Variants in KCNMB2 observed in about 807,000 individuals in gnomAD.
KCNMB2 encodes the protein potassium calcium-activated channel subfamily M regulatory beta subunit 2.
In KCNMB2, 9 loss-of-function variants were observed where a neutral mutation model predicts 24.5. The ratio of observed to expected loss-of-function variants is 0.37; its 90% CI spans 0.22 to 0.64. The LOEUF (loss-of-function observed/expected upper bound fraction) is 0.64, where lower values mean the gene tolerates loss of function less well. Ranked by LOEUF, KCNMB2 falls within the 30% of genes least tolerant of loss-of-function variation. The pLI is 0.63. For synonymous variants in KCNMB2, 109 were observed against 104.4 expected, an observed-to-expected ratio of 1.04 and a Z score of -0.27; for missense variants, 226 against 284.3, an observed-to-expected ratio of 0.79 and a Z score of 1.47.
chr3:178,689,678 G>A (rs970600540), intron 1 of KCNMB2, among the ~76,000 whole-genome samples: 1 of 152,084 alleles, frequency 6.6e-6, no homozygotes, highest in African/African-American at 2.4e-5. Flanking sequence ...CAGATGATCT[G>A]ATTTAACACC....
At chr3:178,559,661 A>G (rs1025578023) in intron 1 of KCNMB2, among the ~76,000 whole-genome samples, 3 of 144,308 alleles carry the variant, frequency 2.1e-5, no homozygotes, top group African/African-American at 7.8e-5. Context: ...ATTTTCCAGG[A>G]CCCTTTTTTC....
intron 1 of KCNMB2, among the ~76,000 whole-genome samples, chr3:178,621,632 T>G (rs1275241931): frequency 1.3e-5 from 2 of 152,136 alleles, no homozygotes; most frequent in Non-Finnish European, 2.9e-5. Context: ...TCCATTGCAC[T>G]TATTATAATC....
chr3:178,692,166 CAAA>C (rs1232523584), intron 1 of KCNMB2, among the ~76,000 whole-genome samples: 1 of 152,102 alleles, frequency 6.6e-6, no homozygotes, highest in Non-Finnish European at 1.5e-5. Context: ...GCATAGTTTA[CAAA>C]AATTTTTCTC....
chr3:178,583,678 C>A (rs929207097), intron 1 of KCNMB2, among the ~76,000 whole-genome samples: 5 of 152,130 alleles, frequency 3.3e-5, no homozygotes, highest in South Asian at 2.1e-4. Context: ...CTTAACTTTT[C>A]TGAGGCTCCG....
chr3:178,704,120 A>G (rs1315654912), intron 1 of KCNMB2, among the ~76,000 whole-genome samples: 1 of 152,148 alleles, frequency 6.6e-6, no homozygotes, highest in African/African-American at 2.4e-5. Flanking sequence ...AATTTTATTT[A>G]AAATCTCCAT....
chr3:178,803,634 G>A (rs1713856502), intron 1 of KCNMB2, among the ~76,000 whole-genome samples: 1 of 152,200 alleles, frequency 6.6e-6, no homozygotes, highest in Non-Finnish European at 1.5e-5. Context: ...CCTAGCATGG[G>A]AGGCAGATTT....
At chr3:178,755,618 C>T (rs1724004352) in intron 1 of KCNMB2, among the ~76,000 whole-genome samples, 1 of 152,144 alleles carries the variant, frequency 6.6e-6, no homozygotes, top group Admixed American at 6.6e-5. Context: ...TTGGAGCAGA[C>T]AATGAGATTA....
At chr3:178,570,299 A>AT (rs1329870906) in intron 1 of KCNMB2, among the ~76,000 whole-genome samples, 3 of 152,042 alleles carry the variant, frequency 2.0e-5, no homozygotes, top group East Asian at 1.9e-4. Flanking sequence ...TGTTTTATAC[A>AT]TTTTTTTAAA....
intron 1 of KCNMB2, among the ~76,000 whole-genome samples, chr3:178,624,934 G>A (rs1286180182): frequency 5.9e-5 from 9 of 152,120 alleles, no homozygotes; most frequent in African/African-American, 2.2e-4. Context: ...CAGAGTGAGG[G>A]AAACCATGCA....
intron 1 of KCNMB2, among the ~76,000 whole-genome samples, chr3:178,745,495 T>C (rs1330394705): frequency 2.6e-5 from 4 of 152,146 alleles, no homozygotes; most frequent in Non-Finnish European, 4.4e-5. Context: ...AGCCAAACCA[T>C]ATCATTCCAC....
At chr3:178,538,977 G>A (rs544559419) in intron 1 of KCNMB2, among the ~76,000 whole-genome samples, 4 of 152,222 alleles carry the variant, frequency 2.6e-5, no homozygotes, top group Non-Finnish European at 4.4e-5. Flanking sequence ...CAAAAAGCAA[G>A]TCTGCAGTCC....
intron 1 of KCNMB2, among the ~76,000 whole-genome samples, chr3:178,693,055 G>T (rs1435273027): frequency 6.6e-6 from 1 of 152,140 alleles, no homozygotes; most frequent in Admixed American, 6.6e-5. Flanking sequence ...TGACTTGACT[G>T]TTGCTGGTGT....
At chr3:178,576,668 C>T (rs558991723) in intron 1 of KCNMB2, among the ~76,000 whole-genome samples, 1 of 152,268 alleles carries the variant, frequency 6.6e-6, no homozygotes, top group Non-Finnish European at 1.5e-5. Flanking sequence ...GAGGGGCATC[C>T]ACCATTACCA....
chr3:178,693,483 A>G (rs749896367), intron 1 of KCNMB2, among the ~76,000 whole-genome samples: 4 of 152,018 alleles, frequency 2.6e-5, no homozygotes, highest in Non-Finnish European at 5.9e-5. Flanking sequence ...TATTGAAAGC[A>G]TTTTCTACAT....
rs537444864 is a variant in KCNMB2 at position 178,674,587 on chromosome 3, C to A, written c.-67-132756C>A. 3.9e-5 allele frequency among the ~76,000 whole-genome samples: 6 copies of A among 152,286 alleles called. No individual in the cohort carries two copies. In the East Asian group the frequency reaches 1.2e-3, roughly 29 times the overall value. On this transcript the variant is annotated intron_variant, in intron 1 of 4. Transcript: ENST00000452583. ...ACATTAATCCAAGCTACCTTTATCTCTCACATCAATTATCTCAGGTCTCCC... is the reference window on the plus strand; with the variant it reads ...ACATTAATCCAAGCTACCTTTATCTATCACATCAATTATCTCAGGTCTCCC...
chr3:178,737,085 C>T (rs150423542), intron 1 of KCNMB2, among the ~76,000 whole-genome samples: 125 of 152,242 alleles, frequency 8.2e-4, no homozygotes, highest in African/African-American at 2.6e-3. Context: ...GCCCGCCCAA[C>T]GTAGTGAAAC....
intron 1 of KCNMB2, chr3:178,729,319 A>G (rs1723067988): frequency 6.6e-6 from 1 of 152,152 alleles, no homozygotes; most frequent in South Asian, 2.1e-4. Context: ...CACACAATCA[A>G]TTTGGTCCCA....
chr3:178,690,342 TAAC>T (rs1721626699), intron 1 of KCNMB2, among the ~76,000 whole-genome samples: 1 of 151,062 alleles, frequency 6.6e-6, no homozygotes, highest in Non-Finnish European at 1.5e-5. Context: ...CCTCCAAAAA[TAAC>T]AACTTTGGGA....
Position 178,655,095 on chromosome 3 carries a change from C to CCTCTCTCTCTCTCTCT in KCNMB2, c.-68+118417_-68+118432dup, listed in dbSNP as rs67468527. Among the ~76,000 whole-genome samples, 148 of 111,116 alleles carry CCTCTCTCTCTCTCTCT rather than the reference C, an allele frequency of 1.3e-3. 5 individuals are homozygous for CCTCTCTCTCTCTCTCT. The highest frequency in any genetic ancestry group is 6.4e-3 in the Middle Eastern group (1 of 156). 72.9% of individuals were successfully genotyped at this position (111,116 alleles called of 152,430 possible). On this transcript the variant is annotated intron_variant, in intron 1 of 4. Transcript: ENST00000452583. Reference sequence around the variant, plus strand: ...TAAAGTTCAGTAAATATTAGCTCTCCCTCTCTCTCTCTCTCTCTCTCTCTC... The same window carrying CCTCTCTCTCTCTCTCT: ...TAAAGTTCAGTAAATATTAGCTCTCCCTCTCTCTCTCTCTCTCTCTCTCTCTCTCTCTCTCTCTCTC...
Sources: gnomAD v4.1 joint callset for allele counts (sites outside exome capture counted in the v4.1 genomes callset) on GRCh38, gnomAD v4.1.1 for gene constraint, MANE v1.5 for transcripts, NCBI Gene and HGNC (gene_info 2026-07-23, HGNC 2026-07-21) for gene names.